PLXND1: variants seen among roughly 807,000 people sequenced by gnomAD.
The protein encoded by PLXND1 is plexin-D1.
PLXND1 carries 54 observed loss-of-function variants against 197.7 expected under a neutral mutation model. The observed-to-expected ratio is 0.27, with a 90% CI of 0.22 to 0.34. PLXND1 has a LOEUF of 0.34. Ranked by LOEUF, PLXND1 falls within the 10% of genes least tolerant of loss-of-function variation. The pLI, the probability that PLXND1 is intolerant of heterozygous loss-of-function variation, is 1.00. For missense variants in PLXND1, 2,127 were observed against 2,699.2 expected (o/e 0.79, Z 4.70); for synonymous variants, 1,180 against 1,161.2 (o/e 1.02, Z -0.33).
rs2085342972 is a variant in PLXND1, at chr3:129,578,392, T to G, written c.2283A>C (p.Ala761=). 1 of 1,605,316 alleles carries G rather than the reference T, an allele frequency of 6.2e-7. No homozygotes were observed. The part of the protein sequence containing the change: ...DCPRTLLSPL[A]PVPTGGSQNI... ...TCTGGGAGCCACCCGTAGGCACGGG[T>G]GCCAGGGGTGAGAGCAGGGTCCGGG... The change falls in exon 9 of 36, where the codon GCA becomes GCC. Residue 761 remains alanine, a synonymous_variant. Transcript: ENST00000324093.
chr3:129,559,859 C>T (rs553503046), intron 31 of PLXND1, 76 bp from the exon 32 acceptor site: 113 of 1,274,198 alleles, frequency 8.9e-5, no homozygotes, highest in Non-Finnish European at 1.0e-4. Flanking sequence ...GGTGGCTCTG[C>T]GGAGCTTGAA....
At chr3:129,596,441 G>A (rs954586278) in intron 1 of PLXND1, among the ~76,000 whole-genome samples, 4 of 152,090 alleles carry the variant, frequency 2.6e-5, no homozygotes, top group Admixed American at 6.5e-5. Context: ...TTCTCATTCC[G>A]GCCCGGCCTG....
chr3:129,572,024 C>T (rs1249422834), intron 15 of PLXND1, among the ~76,000 whole-genome samples, 180 bp from the exon 16 acceptor site: 3 of 152,094 alleles, frequency 2.0e-5, no homozygotes, highest in South Asian at 2.1e-4. Flanking sequence ...TTCCAAATTC[C>T]GCCCCATCCC....
Position 129,566,583 on chromosome 3 carries a change from TG to T in PLXND1, c.4134del (p.Asn1379ThrfsTer70). Reference sequence around the variant, plus strand: ...TGTGCCTGGGAGCTGCCCTGGGAGTTGAGGGTCTGGGAGGGCAGCACGTAAC... The same window carrying T: ...TGTGCCTGGGAGCTGCCCTGGGAGTTAGGGTCTGGGAGGGCAGCACGTAAC... Reference protein sequence around the residue: ...EERYVLPSQTLNSQGSSQAQE... With the variant: ...EERYVLPSQTXNSQGSSQAQE... On this transcript the variant is annotated frameshift_variant, in exon 23 of 36. Coordinates refer to ENST00000324093, the MANE Select transcript of PLXND1 (RefSeq NM_015103.3). LOFTEE classifies it high-confidence loss of function. 1 of 1,613,398 alleles carries T rather than the reference TG, an allele frequency of 6.2e-7. No individual in the cohort carries two copies. The highest frequency in any genetic ancestry group is 8.5e-7 in the Non-Finnish European group (1 of 1,179,556).
rs929162804 is a variant in PLXND1, at chr3:129,586,242, C to T, written c.1651G>A (p.Val551Met). The change falls in exon 4 of 36, where the codon GTG becomes ATG. Residue 551 changes from valine to methionine, a missense_variant. By Grantham distance (21) the Val-to-Met change is conservative. This residue lies in a region of PLXND1 where 1,095 missense variants were observed against 1,259.8 expected (regional missense o/e 0.87). Coordinates refer to ENST00000324093, the MANE Select transcript of PLXND1 (RefSeq NM_015103.3). ...MARVKVAACNVHSTCGDCVGA... is the reference protein window; with the variant it reads ...MARVKVAACNMHSTCGDCVGA... Reference sequence around the variant, plus strand: ...ACGCAGTCCCCACAGGTGGAGTGCACGTTGCAGGCGGCGACCTTCACCCTG... The same window carrying T: ...ACGCAGTCCCCACAGGTGGAGTGCATGTTGCAGGCGGCGACCTTCACCCTG... The T allele has an allele frequency of 1.1e-5, 18 of 1,590,826 alleles. No individual in the cohort carries two copies. The highest frequency in any genetic ancestry group is 1.4e-5 in the Non-Finnish European group (17 of 1,173,726).
chr3:129,589,050 G>A (rs1399657124), intron 2 of PLXND1, among the ~76,000 whole-genome samples: 1 of 152,194 alleles, frequency 6.6e-6, no homozygotes, highest in African/African-American at 2.4e-5. Context: ...AAATGGCAGA[G>A]CCCAGACATT....
In PLXND1 at chr3:129,566,727, C is replaced by T. The variant is rs2085147274; in HGVS notation, c.4087-96G>A. 4.4e-6 allele frequency: 3 copies of T among 687,012 alleles called. No individual in the cohort carries two copies. In the African/African-American group the frequency reaches 5.4e-5, roughly 12 times the overall value. The allele number at this position is 687,012 out of a possible 1,614,324, so 42.6% of individuals were successfully genotyped here. On this transcript the variant is annotated intron_variant, in intron 22 of 35. Transcript: ENST00000324093. Reference sequence around the variant, plus strand: ...CAGAAAGGGGCACTGGCTTGGGCTGCTGGGGGAAACTGGCACGGAATTAGC... The same window carrying T: ...CAGAAAGGGGCACTGGCTTGGGCTGTTGGGGGAAACTGGCACGGAATTAGC...
In PLXND1 at chr3:129,557,073, GC is replaced by G; in HGVS notation, c.5586+9del. ...TCAGGCCCCCATCCCCCGCCGCCGA[GC>G]CACCGCACCCTCGACTCCTCGGCCA... On this transcript the variant is annotated intron_variant, in intron 34 of 35. Coordinates refer to ENST00000324093, the MANE Select transcript of PLXND1 (RefSeq NM_015103.3). This position sits in a 1 kb window ranked among gnomAD's most constrained non-coding sequence, Gnocchi z 4.8. 6.2e-7 allele frequency: 1 copy of G among 1,613,296 alleles called. No homozygotes were observed. The highest frequency in any genetic ancestry group is 8.5e-7 in the Non-Finnish European group (1 of 1,179,890).
At chr3:129,601,421 C>T (rs1023860185) in intron 1 of PLXND1, among the ~76,000 whole-genome samples, 1 of 152,136 alleles carries the variant, frequency 6.6e-6, no homozygotes, top group African/African-American at 2.4e-5. Flanking sequence ...GAGTTGTGGG[C>T]GGCTCAAGGG....
Position 129,577,531 on chromosome 3 carries a change from C to A in PLXND1, c.2346+798G>T, listed in dbSNP as rs1010795714. Among the ~76,000 whole-genome samples the A allele has an allele frequency of 6.6e-6, 1 of 152,102 alleles. No individual in the cohort carries two copies. The highest frequency in any genetic ancestry group is 6.5e-5 in the Admixed American group (1 of 15,290). On this transcript the variant is annotated intron_variant, in intron 9 of 35. Transcript: ENST00000324093. The surrounding 1 kb of genome is among the most constrained non-coding windows in gnomAD (Gnocchi z 5.0). ...CTCCAGCCCCTGCCACGAGGCTTCCCGACACATCCCAGATGCCCGGCACGT... is the reference window on the plus strand; with the variant it reads ...CTCCAGCCCCTGCCACGAGGCTTCCAGACACATCCCAGATGCCCGGCACGT...
intron 1 of PLXND1, among the ~76,000 whole-genome samples, chr3:129,600,026 G>A (rs547239503): frequency 3.9e-5 from 6 of 152,324 alleles, no homozygotes; most frequent in Non-Finnish European, 8.8e-5. Context: ...GCTTATAAAA[G>A]GCCTGCAGAG....
rs759364511 is a variant in PLXND1 at position 129,572,574 on chromosome 3, G to C, written c.3077+35C>G. 8 of 1,467,148 alleles carry C rather than the reference G, an allele frequency of 5.5e-6. No homozygotes were observed. In the Middle Eastern group the frequency reaches 5.6e-4, roughly 102 times the overall value. 90.9% of individuals were successfully genotyped at this position (1,467,148 alleles called of 1,614,324 possible). ...AGCCCCCAAGCCCATTGATTTCTCT[G>C]GGCTGGAAGGGATGGGCCAGGCCCA... On this transcript the variant is annotated intron_variant, in intron 15 of 35. Coordinates refer to ENST00000324093, the MANE Select transcript of PLXND1 (RefSeq NM_015103.3).
chr3:129,595,916 C>T (rs1053629801), intron 1 of PLXND1, among the ~76,000 whole-genome samples: 4 of 107,080 alleles, frequency 3.7e-5, no homozygotes, highest in African/African-American at 1.5e-4. Flanking sequence ...TGGGGGTGCA[C>T]GCACGCACAC....
chr3:129,586,112 G>A (rs1258814894), intron 4 of PLXND1, 31 bp from the exon 5 acceptor site: 3 of 1,613,102 alleles, frequency 1.9e-6, no homozygotes, highest in Non-Finnish European at 2.5e-6. Flanking sequence ...CAGGACCCAG[G>A]TCAGCTCCTC....
chr3:129,564,520 C>G (rs1032319282), intron 25 of PLXND1, among the ~76,000 whole-genome samples: 1 of 152,360 alleles, frequency 6.6e-6, no homozygotes, highest in South Asian at 2.1e-4. Context: ...TCCGAGGCCC[C>G]GGTTCTGGGC....
At position 129,566,521 on chromosome 3, in the gene PLXND1, A is replaced by G; in HGVS notation, c.4191+6T>C. The G allele has an allele frequency of 6.4e-7, 1 of 1,570,340 alleles. No homozygotes were observed. The highest frequency in any genetic ancestry group is 8.8e-7 in the Non-Finnish European group (1 of 1,140,142). ...GCCCACTGTGTGTGGGTCGTGGGGTACTCACCTTCCACTCTCCCAGCAGTG... is the reference window on the plus strand; with the variant it reads ...GCCCACTGTGTGTGGGTCGTGGGGTGCTCACCTTCCACTCTCCCAGCAGTG... On this transcript the variant is annotated splice_donor_region_variant and intron_variant, in intron 23 of 35. Transcript: ENST00000324093.
In PLXND1 at chr3:129,584,339, ACCGTTCTGCC is replaced by A. The variant is rs1017188846; in HGVS notation, c.2029+36_2029+45del. On this transcript the variant is annotated intron_variant, in intron 6 of 35. Coordinates refer to ENST00000324093, the MANE Select transcript of PLXND1 (RefSeq NM_015103.3). ...CTGCCATCCCCATGCCTGACAGTCC[ACCGTTCTGCC>A]CCTCTGGGGCTGTGCCAACAGCACA... 2.5e-6 allele frequency: 4 copies of A among 1,604,182 alleles called. No homozygotes were observed. In the African/African-American group the frequency reaches 4.0e-5, roughly 16 times the overall value.
chr3:129,597,484 C>G (rs555129789), intron 1 of PLXND1, among the ~76,000 whole-genome samples: 32 of 148,186 alleles, frequency 2.2e-4, no homozygotes, highest in East Asian at 6.1e-4. Flanking sequence ...TGCCTGCGGG[C>G]CCCCCCCCAT....
At chr3:129,601,978 T>C (rs929697658) in intron 1 of PLXND1, among the ~76,000 whole-genome samples, 12 of 152,276 alleles carry the variant, frequency 7.9e-5, no homozygotes, top group African/African-American at 2.9e-4. Context: ...AGGAATCTAT[T>C]CCCGGGAGGC....
Sources: gnomAD v4.1 joint callset for allele counts (sites outside exome capture counted in the v4.1 genomes callset) on GRCh38, gnomAD v4.1.1 for gene constraint, gnomAD v4.1.1 regional missense constraint, Gnocchi (gnomAD v3.1) non-coding constraint, MANE v1.5 for transcripts, NCBI Gene and HGNC (gene_info 2026-07-23, HGNC 2026-07-21) for gene names.